The following ZSWIM6 variants were observed in gnomAD, a reference collection of about 807,000 sequenced individuals.
The protein encoded by ZSWIM6 is zinc finger SWIM-type containing 6.
In ZSWIM6, 9 loss-of-function variants were observed where a neutral mutation model predicts 113.2. That is an observed-to-expected ratio of 0.08 (90% CI 0.05 to 0.14). The LOEUF (loss-of-function observed/expected upper bound fraction) is 0.14, where lower values mean the gene tolerates loss of function less well. Ranked by LOEUF, ZSWIM6 falls within the 10% of genes least tolerant of loss-of-function variation. ZSWIM6 has a pLI of 1.00. For missense variants in ZSWIM6, 1,162 were observed against 1,552.2 expected, an observed-to-expected ratio of 0.75 and a Z score of 4.22; for synonymous variants, 611 against 606.5, an observed-to-expected ratio of 1.01 and a Z score of -0.11.
chr5:61,433,895 A>G (rs1200640896), intron 1 of ZSWIM6, among the ~76,000 whole-genome samples: 1 of 151,502 alleles, frequency 6.6e-6, no homozygotes, highest in Non-Finnish European at 1.5e-5. Flanking sequence ...AACAAAAAAT[A>G]TAAATAAGCA....
intron 4 of ZSWIM6, among the ~76,000 whole-genome samples, chr5:61,519,622 G>A (rs1749058400): frequency 2.0e-5 from 3 of 152,128 alleles, no homozygotes; most frequent in Admixed American, 1.3e-4. Context: ...CACTAGCCAT[G>A]TTGTGTTTTT....
chr5:61,402,533 C>A (rs11743218), intron 1 of ZSWIM6, among the ~76,000 whole-genome samples: 1 of 140,322 alleles, frequency 7.1e-6, no homozygotes, highest in Admixed American at 6.9e-5. Context: ...TTTTTTTTTT[C>A]CCCCCAGGAA....
chr5:61,481,901 G>T (rs1373963126), intron 2 of ZSWIM6, among the ~76,000 whole-genome samples: 1 of 152,054 alleles, frequency 6.6e-6, no homozygotes, highest in Admixed American at 6.5e-5. Context: ...TGCCCACAAA[G>T]ATTAATTATA....
rs537335870 is a variant in ZSWIM6, at chr5:61,495,230, A to G, written c.1333+820A>G. ...ATGATGGACCACATCATGCTGATTG[A>G]TCCCAGGTGTAGTCTAAACCAAACG... On this transcript the variant is annotated intron_variant, in intron 4 of 13. Transcript: ENST00000252744. Among the ~76,000 whole-genome samples, 7 of 152,216 alleles carry G rather than the reference A, an allele frequency of 4.6e-5. 1 individual carries two copies. In the South Asian group the frequency reaches 1.5e-3, roughly 32 times the overall value.
rs769976213 is a variant in ZSWIM6 at position 61,543,726 on chromosome 5, C to A, written c.3057C>A (p.Asp1019Glu). 3.2e-6 allele frequency: 5 copies of A among 1,551,650 alleles called. No individual in the cohort carries two copies. The highest frequency in any genetic ancestry group is 4.4e-6 in the Non-Finnish European group (5 of 1,147,008). ...AGACGGCGTACCAAATTGTTCTCGA[C>A]GCTGCTACGACTGGCATGAGCTATA... ...AFETAYQIVLDAATTGMSYTQ... is the reference protein window; with the variant it reads ...AFETAYQIVLEAATTGMSYTQ... The change falls in exon 14 of 14, where the codon GAC becomes GAA. Residue 1019 changes from aspartate to glutamate, a missense_variant. Coordinates refer to ENST00000252744, the MANE Select transcript of ZSWIM6 (RefSeq NM_020928.2). The surrounding 1 kb of genome is among the most constrained non-coding windows in gnomAD (Gnocchi z 4.3).
At chr5:61,540,678 G>A (rs1435079165) in intron 12 of ZSWIM6, among the ~76,000 whole-genome samples, 2 of 151,842 alleles carry the variant, frequency 1.3e-5, no homozygotes, top group Admixed American at 1.3e-4. Context: ...TTGTTATTTG[G>A]CTAATTTTTG....
intron 4 of ZSWIM6, among the ~76,000 whole-genome samples, chr5:61,520,992 CTT>C (rs1222431014): frequency 6.6e-6 from 1 of 151,966 alleles, no homozygotes; most frequent in Non-Finnish European, 1.5e-5. Flanking sequence ...TTGGTTCAAA[CTT>C]TGGATCTATT....
At chr5:61,394,257 T>C (rs1233056328) in intron 1 of ZSWIM6, among the ~76,000 whole-genome samples, 1 of 152,210 alleles carries the variant, frequency 6.6e-6, no homozygotes, top group Non-Finnish European at 1.5e-5. Context: ...CACTCCTTCC[T>C]TGTCTGGCAC....
At position 61,543,672 on chromosome 5, in the gene ZSWIM6, C is replaced by T; in HGVS notation, c.3003C>T (p.Thr1001=). The change falls in exon 14 of 14, where the codon ACC becomes ACT. Residue 1001 remains threonine (T), a synonymous_variant. Coordinates refer to ENST00000252744, the MANE Select transcript of ZSWIM6 (RefSeq NM_020928.2). This position sits in a 1 kb window ranked among gnomAD's most constrained non-coding sequence, Gnocchi z 4.3. ...DPQNCALSAL[T]LCEKDHIAFE... ...AGAACTGTGCCCTCTCTGCGCTAAC[C>T]CTTTGTGAAAAGGATCACATAGCTT... 1 of 1,551,708 alleles carries T rather than the reference C, an allele frequency of 6.4e-7. No homozygotes were observed. Among genetic ancestry groups the T allele is most frequent in the Non-Finnish European group, 8.7e-7 (1 of 1,146,996 alleles).
At chr5:61,345,299 C>G (rs905312336) in intron 1 of ZSWIM6, among the ~76,000 whole-genome samples, 2 of 152,128 alleles carry the variant, frequency 1.3e-5, no homozygotes, top group African/African-American at 2.4e-5. Flanking sequence ...ACTTACTGTT[C>G]ATTTTTGTAG....
intron 1 of ZSWIM6, among the ~76,000 whole-genome samples, chr5:61,352,054 C>T (rs887431842): frequency 1.3e-5 from 2 of 152,176 alleles, no homozygotes; most frequent in African/African-American, 4.8e-5. Context: ...CAAGGCCCAG[C>T]ATGGTCTGGC....
chr5:61,390,896 A>G (rs1352997890), intron 1 of ZSWIM6: 7 of 884,316 alleles, frequency 7.9e-6, no homozygotes, highest in Non-Finnish European at 1.1e-5. Context: ...TGACAAAGTC[A>G]TTGGTCACTT....
intron 1 of ZSWIM6, among the ~76,000 whole-genome samples, chr5:61,345,704 A>G (rs935402720): frequency 1.3e-5 from 2 of 152,220 alleles, no homozygotes; most frequent in African/African-American, 4.8e-5. Flanking sequence ...AGATGGCAGG[A>G]TAACGTTTAG....
At chr5:61,460,444 G>A in intron 1 of ZSWIM6, among the ~76,000 whole-genome samples, 1 of 152,226 alleles carries the variant, frequency 6.6e-6, no homozygotes, top group African/African-American at 2.4e-5. Context: ...TCAAAAGGTG[G>A]TGAAACTTAA....
At chr5:61,363,474 T>G (rs772339743) in intron 1 of ZSWIM6, among the ~76,000 whole-genome samples, 1 of 152,240 alleles carries the variant, frequency 6.6e-6, no homozygotes. Context: ...ACTAAACCCT[T>G]GTTCTCGGCA....
intron 1 of ZSWIM6, among the ~76,000 whole-genome samples, chr5:61,417,187 G>T (rs532507576): frequency 6.6e-6 from 1 of 152,160 alleles, no homozygotes; most frequent in Non-Finnish European, 1.5e-5. Context: ...GCATCTGCCT[G>T]TAGACTAATG....
chr5:61,417,798 T>C (rs1290880091), intron 1 of ZSWIM6, among the ~76,000 whole-genome samples: 1 of 152,238 alleles, frequency 6.6e-6, no homozygotes, highest in Non-Finnish European at 1.5e-5. Context: ...GTAGATTGTT[T>C]ATCTGTGAAT....
intron 1 of ZSWIM6, among the ~76,000 whole-genome samples, chr5:61,450,624 T>C (rs1388025191): frequency 6.6e-6 from 1 of 152,142 alleles, no homozygotes; most frequent in East Asian, 1.9e-4. Flanking sequence ...GGTGAATTTA[T>C]GATTATACTT....
intron 1 of ZSWIM6, among the ~76,000 whole-genome samples, chr5:61,365,445 CAGTTT>C (rs1164654519): frequency 1.3e-5 from 2 of 152,074 alleles, no homozygotes; most frequent in African/African-American, 4.8e-5. Context: ...TTGGGAATGG[CAGTTT>C]CTATGGTGTG....
Sources: gnomAD v4.1 joint callset for allele counts (sites outside exome capture counted in the v4.1 genomes callset) on GRCh38, gnomAD v4.1.1 for gene constraint, Gnocchi (gnomAD v3.1) non-coding constraint, MANE v1.5 for transcripts, NCBI Gene and HGNC (gene_info 2026-07-23, HGNC 2026-07-21) for gene names.